KIF6: variants seen among roughly 807,000 people sequenced by gnomAD.
The protein encoded by KIF6 is kinesin family member 6.
A neutral mutation model predicts 112.7 loss-of-function variants in KIF6; 106 were observed. The ratio of observed to expected loss-of-function variants is 0.94; its 90% confidence interval spans 0.80 to 1.11. The LOEUF (loss-of-function observed/expected upper bound fraction) is 1.11, where lower values mean the gene tolerates loss of function less well. Ranked by LOEUF, KIF6 falls within the 50% of genes least tolerant of loss-of-function variation. KIF6 has a pLI of 0.00. For synonymous variants in KIF6, 339 were observed against 339.9 expected, an observed-to-expected ratio of 1.00 and a Z score of 0.03; for missense variants, 929 against 964.0, an observed-to-expected ratio of 0.96 and a Z score of 0.48.
chr6:39,470,643 GA>G (rs1337357439), intron 13 of KIF6, among the ~76,000 whole-genome samples: 4 of 152,050 alleles, frequency 2.6e-5, no homozygotes, highest in Non-Finnish European at 5.9e-5. Flanking sequence ...TTTAGGGCAG[GA>G]AAGAGGAGTA....
chr6:39,582,283 G>A (rs1017671866), intron 9 of KIF6, among the ~76,000 whole-genome samples: 2 of 152,196 alleles, frequency 1.3e-5, no homozygotes, highest in African/African-American at 4.8e-5. Flanking sequence ...AAGGAACCCT[G>A]GCATTAGAGA....
In KIF6 at chr6:39,336,400, T is replaced by A; in HGVS notation, c.*132A>T. The A allele has an allele frequency of 1.2e-6, 1 of 864,150 alleles. No individual in the cohort carries two copies. The allele number at this position is 864,150 out of a possible 1,614,324, so 53.5% of individuals were successfully genotyped here. On this transcript the variant is annotated 3_prime_UTR_variant, in exon 23 of 23. Coordinates refer to ENST00000287152, the MANE Select transcript of KIF6 (RefSeq NM_145027.6). Reference sequence around the variant, plus strand: ...CCTTAAAGAAACACAGTCCCCTCCATGGGAATCAAAGTCACTAGTTGCTCC... The same window carrying A: ...CCTTAAAGAAACACAGTCCCCTCCAAGGGAATCAAAGTCACTAGTTGCTCC...
intron 9 of KIF6, among the ~76,000 whole-genome samples, chr6:39,584,459 A>AAAAAAAAT (rs1561836472): frequency 7.8e-6 from 1 of 128,594 alleles, no homozygotes; most frequent in African/African-American, 3.0e-5. Flanking sequence ...AAAAAAAAAA[A>AAAAAAAAT]AGACTATTAT....
rs749893401 is a variant in KIF6 at position 39,343,702 on chromosome 6, C to T, written c.2428+7G>A. On this transcript the variant is annotated splice_region_variant and intron_variant, in intron 22 of 22. Coordinates refer to ENST00000287152, the MANE Select transcript of KIF6 (RefSeq NM_145027.6). This position sits in a 1 kb window ranked among gnomAD's most constrained non-coding sequence, Gnocchi z 4.1. ...CCAGGAGGAGCCACCGAGGGAGGTG[C>T]ACTTACATTGCTTCTGCAGAATGCT... is the stretch of plus-strand genomic sequence containing the variant. 2.5e-6 allele frequency: 4 copies of T among 1,595,294 alleles called. No individual in the cohort carries two copies. The East Asian group carries it at 6.7e-5, about 27-fold the overall frequency.
At chr6:39,575,498 C>T (rs1217162540) in intron 10 of KIF6, among the ~76,000 whole-genome samples, 4 of 152,124 alleles carry the variant, frequency 2.6e-5, no homozygotes, top group Non-Finnish European at 5.9e-5. Context: ...TCTCGATCTC[C>T]TGACTTTGTG....
At position 39,360,562 on chromosome 6, in the gene KIF6, T is replaced by G. The variant is rs530978858; in HGVS notation, c.1947-32A>C. 1.6e-4 allele frequency: 257 copies of G among 1,613,810 alleles called. No individual in the cohort carries two copies. In the South Asian group the frequency reaches 2.7e-3, roughly 17 times the overall value. On this transcript the variant is annotated intron_variant, in intron 17 of 22. Transcript: ENST00000287152. Reference sequence around the variant, plus strand: ...TGGAATCGGGGAAGAGTCAGGGCACTGCTGTCTTGAAAGCACGGCATGGAT... The same window carrying G: ...TGGAATCGGGGAAGAGTCAGGGCACGGCTGTCTTGAAAGCACGGCATGGAT...
chr6:39,412,007 G>C (rs997228354), intron 15 of KIF6, among the ~76,000 whole-genome samples: 1 of 152,156 alleles, frequency 6.6e-6, no homozygotes, highest in African/African-American at 2.4e-5. Context: ...TAGCCAGGTC[G>C]TGGACCTTGG....
intron 13 of KIF6, among the ~76,000 whole-genome samples, chr6:39,451,804 G>A (rs1402956940): frequency 6.6e-6 from 1 of 152,196 alleles, no homozygotes; most frequent in East Asian, 1.9e-4. Context: ...GTTCTGGAAG[G>A]TGTGACATGA....
rs148532733 is a variant in KIF6 at position 39,600,691 on chromosome 6, G to A, written c.640-4431C>T. 1.9e-3 allele frequency among the ~76,000 whole-genome samples: 295 copies of A among 152,030 alleles called. 1 individual carries two copies. Among genetic ancestry groups the A allele is most frequent in the African/African-American group, 6.9e-3 (286 of 41,460 alleles). ...TCTTCTTTGCAGTCCCTAAAAATAG[G>A]TGTGTCCTAAGCTATGGTGACCATA... On this transcript the variant is annotated intron_variant, in intron 6 of 22. Coordinates refer to ENST00000287152, the MANE Select transcript of KIF6 (RefSeq NM_145027.6).
At chr6:39,486,480 C>T (rs1205922728) in intron 13 of KIF6, among the ~76,000 whole-genome samples, 1 of 152,200 alleles carries the variant, frequency 6.6e-6, no homozygotes. Context: ...CCAAGCTGAC[C>T]TCTATCTAAA....
At chr6:39,698,411 A>C (rs1023213296) in intron 3 of KIF6, among the ~76,000 whole-genome samples, 3 of 152,234 alleles carry the variant, frequency 2.0e-5, no homozygotes, top group Non-Finnish European at 2.9e-5. Context: ...TGGTGTTCTT[A>C]TGATAAAGTA....
chr6:39,686,187 G>A (rs956648932), intron 3 of KIF6, among the ~76,000 whole-genome samples: 10 of 152,134 alleles, frequency 6.6e-5, no homozygotes, highest in Non-Finnish European at 1.3e-4. Context: ...ATTTTGTAAG[G>A]TGTTTAGCTT....
chr6:39,457,706 A>G lies in KIF6; in HGVS notation c.1646-26545T>C, dbSNP rs1217023496. Among the ~76,000 whole-genome samples the G allele has an allele frequency of 4.6e-5, 7 of 152,326 alleles. No individual in the cohort carries two copies. In the East Asian group the frequency reaches 1.3e-3, roughly 29 times the overall value. ...AAGGGGATATCACCACCGATCCCAC[A>G]GAAATACAAACTACCATCAAAGAAT... On this transcript the variant is annotated intron_variant, in intron 13 of 22. Transcript: ENST00000287152.
chr6:39,529,808 T>A (rs529322431), intron 13 of KIF6, among the ~76,000 whole-genome samples: 1 of 152,300 alleles, frequency 6.6e-6, no homozygotes, highest in East Asian at 1.9e-4. Flanking sequence ...GGTGACCTGA[T>A]AGACATTCCT....
intron 4 of KIF6, among the ~76,000 whole-genome samples, chr6:39,638,261 T>C (rs1175111784): frequency 1.3e-5 from 2 of 152,008 alleles, no homozygotes; most frequent in Admixed American, 6.6e-5. Context: ...CTCACAGCAA[T>C]CCATAAGACT....
intron 15 of KIF6, among the ~76,000 whole-genome samples, chr6:39,411,445 A>G (rs980013233): frequency 6.6e-6 from 1 of 152,232 alleles, no homozygotes; most frequent in Admixed American, 6.5e-5. Flanking sequence ...AAAAGAGCCA[A>G]ACTAGAAGTG....
At chr6:39,401,010 A>T (rs1768657338) in intron 15 of KIF6, among the ~76,000 whole-genome samples, 1 of 152,248 alleles carries the variant, frequency 6.6e-6, no homozygotes, top group African/African-American at 2.4e-5. Context: ...GTTTAGAGGA[A>T]TTGGTGGTTT....
chr6:39,402,167 G>C lies in KIF6; in HGVS notation c.1811-16495C>G, dbSNP rs191715912. Among the ~76,000 whole-genome samples the C allele has an allele frequency of 2.1e-4, 32 of 152,202 alleles. No individual in the cohort carries two copies. In the East Asian group the frequency reaches 6.2e-3, roughly 29 times the overall value. On this transcript the variant is annotated intron_variant, in intron 15 of 22. Coordinates refer to ENST00000287152, the MANE Select transcript of KIF6 (RefSeq NM_145027.6). ...AGTGACACCTCAGATAGGAAGCTCTGACATCAGAAGCTCTTCAATTCAGCT... is the reference window on the plus strand; with the variant it reads ...AGTGACACCTCAGATAGGAAGCTCTCACATCAGAAGCTCTTCAATTCAGCT...
intron 13 of KIF6, among the ~76,000 whole-genome samples, chr6:39,435,203 C>T (rs1771438538): frequency 6.6e-6 from 1 of 152,102 alleles, no homozygotes; most frequent in South Asian, 2.1e-4. Flanking sequence ...TAGATTTACC[C>T]ATGAGATCGT....
Sources: gnomAD v4.1 joint callset for allele counts (sites outside exome capture counted in the v4.1 genomes callset) on GRCh38, gnomAD v4.1.1 for gene constraint, Gnocchi (gnomAD v3.1) non-coding constraint, MANE v1.5 for transcripts, NCBI Gene and HGNC (gene_info 2026-07-23, HGNC 2026-07-21) for gene names.